DLL3: variants seen among roughly 807,000 people sequenced by gnomAD.
DLL3 encodes delta like canonical Notch ligand 3, also known as delta-like protein 3.
DLL3 carries 49 observed loss-of-function variants against 55.0 expected under a neutral mutation model. The ratio of observed to expected loss-of-function variants is 0.89; its 90% CI spans 0.71 to 1.13. The LOEUF (loss-of-function observed/expected upper bound fraction) is 1.13, where lower values mean the gene tolerates loss of function less well. Ranked by LOEUF, DLL3 falls within the 50% of genes most tolerant of loss-of-function variation. DLL3 has a pLI of 0.00. For missense variants in DLL3, 962 were observed against 875.5 expected (o/e 1.10, Z -1.25); for synonymous variants, 421 against 385.2 (o/e 1.09, Z -1.09).
chr19:39,499,052 C>T lies in DLL3; in HGVS notation c.69+9C>T. On this transcript the variant is annotated intron_variant, in intron 1 of 8. Transcript: ENST00000356433. ...TCATTTTCCTCCCCCAGGTCAGAGC[C>T]AGGTGGGAGGTGGCGTGGAAAGGGA... 1 of 1,614,098 alleles carries T rather than the reference C, an allele frequency of 6.2e-7. No individual in the cohort carries two copies. Among genetic ancestry groups the T allele is most frequent in the Non-Finnish European group, 8.5e-7 (1 of 1,180,044 alleles).
rs940278862 is a variant in DLL3 at position 39,507,818 on chromosome 19, C to G, written c.1674-12C>G. The G allele has an allele frequency of 3.1e-6, 5 of 1,614,114 alleles. No homozygotes were observed. The highest frequency in any genetic ancestry group is 4.2e-6 in the Non-Finnish European group (5 of 1,179,990). On this transcript the variant is annotated splice_polypyrimidine_tract_variant and intron_variant, in intron 7 of 8. Transcript: ENST00000356433. ...AAGAGTCTGAGTTTTTCTTCTTTCT[C>G]TCCTCCCACAGCTCGTCCGTAGATT... is the stretch of plus-strand genomic sequence containing the variant.
In DLL3 at chr19:39,499,024, C is replaced by G. The variant is rs1459986375; in HGVS notation, c.50C>G (p.Ala17Gly). The change falls in exon 1 of 9, where the codon GCG becomes GGG. Residue 17 changes from alanine (A) to glycine (G), a missense_variant. Physicochemically the swap from Ala to Gly is moderately conservative, Grantham distance 60. Transcript: ENST00000356433. ...SGLLSQTVIL[A>G]LIFLPQTRPA... ...CTCCTCTCCCAGACTGTGATCCTAG[C>G]GCTCATTTTCCTCCCCCAGGTCAGA... is the stretch of plus-strand genomic sequence containing the variant. 6.2e-7 allele frequency: 1 copy of G among 1,613,942 alleles called. No homozygotes were observed. Among genetic ancestry groups the G allele is most frequent in the Non-Finnish European group, 8.5e-7 (1 of 1,180,030 alleles).
Position 39,507,615 on chromosome 19 carries a change from C to T in DLL3, c.1670C>T (p.Pro557Leu), listed in dbSNP as rs1378839256. ...LRTQEGSGDGPSSSVDWNRPE... is the reference protein window; with the variant it reads ...LRTQEGSGDGLSSSVDWNRPE... The stretch of plus-strand genomic sequence containing the variant: ...ACGCAGGAGGGTTCCGGGGATGGTC[C>T]GAGGTGAGGGGCTGCGCCACAGACG... The change falls in exon 7 of 9, where the codon CCG (proline) becomes CTG (leucine). Residue 557 changes from proline to leucine, a missense_variant. Coordinates refer to ENST00000356433, the MANE Select transcript of DLL3 (RefSeq NM_203486.3). 6.2e-7 allele frequency: 1 copy of T among 1,606,134 alleles called. No individual in the cohort carries two copies. Among genetic ancestry groups the T allele is most frequent in the African/African-American group, 1.3e-5 (1 of 74,752 alleles).
At position 39,502,840 on chromosome 19, in the gene DLL3, C is replaced by T; in HGVS notation, c.435C>T (p.Arg145=). Residue 145 remains arginine, a synonymous_variant, in exon 4 of 9, where the codon CGC becomes CGT. Transcript: ENST00000356433. ...IGGPAWSLLA[R]VAGRRRLAAG... ...GGCCCGCCTGGAGCCTGCTGGCGCG[C>T]GTGGCTGGCAGGCGGCGCTTGGCAG... 2.1e-6 allele frequency: 3 copies of T among 1,419,742 alleles called. No individual in the cohort carries two copies. The highest frequency in any genetic ancestry group is 2.7e-6 in the Non-Finnish European group (3 of 1,092,840). 87.9% of individuals were successfully genotyped at this position (1,419,742 alleles called of 1,614,324 possible). A position where few individuals can be genotyped will look rare whatever the true frequency, so the allele number is the denominator to read the frequency against.
At chr19:39,500,563 A>ACC in intron 2 of DLL3, 52 bp from the exon 3 acceptor site, 16 of 1,540,174 alleles carry the variant, frequency 1.0e-5, no homozygotes, top group Middle Eastern at 1.7e-4. Flanking sequence ...TTGAGTACTT[A>ACC]CCCTAACCAC....
Position 39,502,880 on chromosome 19 carries a change from G to A in DLL3, c.475G>A (p.Ala159Thr). Residue 159 changes from alanine to threonine, a missense_variant, in exon 4 of 9, where the codon GCC (alanine) becomes ACC (threonine). Transcript: ENST00000356433. ...RRRLAAGGPW[A>T]RDIQRAGAWE... Reference sequence around the variant, plus strand: ...GCGCTTGGCAGCCGGAGGCCCGTGGGCCCGGGACATTCAGCGCGCAGGCGC... The same window carrying A: ...GCGCTTGGCAGCCGGAGGCCCGTGGACCCGGGACATTCAGCGCGCAGGCGC... 3 of 1,439,024 alleles carry A rather than the reference G, an allele frequency of 2.1e-6. No homozygotes were observed. The highest frequency in any genetic ancestry group is 2.7e-6 in the Non-Finnish European group (3 of 1,102,072). The allele number at this position is 1,439,024 out of a possible 1,614,324, so 89.1% of individuals were successfully genotyped here. A position where few individuals can be genotyped will look rare whatever the true frequency, so the allele number is the denominator to read the frequency against.
In DLL3 at chr19:39,502,510, C is replaced by T. The variant is rs367584165; in HGVS notation, c.410-305C>T. 4.3e-4 allele frequency among the ~76,000 whole-genome samples: 66 copies of T among 152,220 alleles called. 1 individual carries two copies. The South Asian group carries it at 0.013, about 30-fold the overall frequency. ...CTGGTCTTGACCTCAGGTGGTCCAC[C>T]CGTCTCGGCCTCCCAAAGTGCTGGG... On this transcript the variant is annotated intron_variant, in intron 3 of 8. Coordinates refer to ENST00000356433, the MANE Select transcript of DLL3 (RefSeq NM_203486.3).
At chr19:39,503,861 G>A (rs2079624634) in intron 4 of DLL3, among the ~76,000 whole-genome samples, 1 of 152,108 alleles carries the variant, frequency 6.6e-6, no homozygotes, top group Non-Finnish European at 1.5e-5. Context: ...TCCTAGGTGG[G>A]CTGGTCACCT....
At chr19:39,502,199 A>AAC (rs1464146445) in intron 3 of DLL3, among the ~76,000 whole-genome samples, 1 of 151,396 alleles carries the variant, frequency 6.6e-6, no homozygotes, top group African/African-American at 2.4e-5. Flanking sequence ...AAAACAAACA[A>AAC]AAAAAAAACA....
chr19:39,500,800 T>G, intron 3 of DLL3, 128 bp downstream of exon 3: 1 of 812,004 alleles, frequency 1.2e-6, no homozygotes, highest in Non-Finnish European at 2.1e-6. Flanking sequence ...TGTTGACAGC[T>G]CCAGGGCTCT....
At position 39,507,425 on chromosome 19, in the gene DLL3, C is replaced by T. The variant is rs1006948723; in HGVS notation, c.1480C>T (p.Pro494Ser). ...RPGDPQRYLL[P>S]PALGLLVAAG... ...CGGGGACCCTCAGCGCTACCTTTTG[C>T]CTCCGGCTCTGGGACTGCTCGTGGC... The change falls in exon 7 of 9, where the codon CCT becomes TCT. Residue 494 changes from proline (P) to serine (S), a missense_variant. Physicochemically the swap from Pro to Ser is moderately conservative, Grantham distance 74 (BLOSUM62 -1). Coordinates refer to ENST00000356433, the MANE Select transcript of DLL3 (RefSeq NM_203486.3). 1.3e-6 allele frequency: 2 copies of T among 1,592,726 alleles called. No individual in the cohort carries two copies. Among genetic ancestry groups the T allele is most frequent in the Non-Finnish European group, 1.7e-6 (2 of 1,171,194 alleles).
Position 39,499,452 on chromosome 19 carries a change from G to T in DLL3, c.330G>T (p.Val110=). 2 of 1,591,026 alleles carry T rather than the reference G, an allele frequency of 1.3e-6. No individual in the cohort carries two copies. The highest frequency in any genetic ancestry group is 1.7e-6 in the Non-Finnish European group (2 of 1,176,420). Residue 110 remains valine (V), a synonymous_variant, in exon 2 of 9, where the codon GTG becomes GTT. Coordinates refer to ENST00000356433, the MANE Select transcript of DLL3 (RefSeq NM_203486.3). The part of the protein sequence containing the change: ...DLPLPDGLLQ[V]PFRDAWPGTF... ...CACTGCCCGACGGCCTCTTGCAGGT[G>T]CCCTTCCGGGACGCCTGGCCTGTAA...
chr19:39,506,125 T>C (rs957685251), intron 6 of DLL3, among the ~76,000 whole-genome samples: 4 of 135,870 alleles, frequency 2.9e-5, no homozygotes, highest in Non-Finnish European at 6.0e-5. Flanking sequence ...GGCGGAAGAA[T>C]CACTTGAACC....
intron 3 of DLL3, 65 bp from the exon 4 acceptor site, chr19:39,502,750 C>T: frequency 2.3e-6 from 3 of 1,293,000 alleles, no homozygotes; most frequent in East Asian, 3.1e-5. Context: ...GCGGCCGGGG[C>T]GCTCCGTATG....
chr19:39,503,480 CCGA>C (rs1454966889), intron 4 of DLL3, among the ~76,000 whole-genome samples: 1 of 152,210 alleles, frequency 6.6e-6, no homozygotes, highest in African/African-American at 2.4e-5. Context: ...TGCGGCCCTC[CCGA>C]CTCCCACTCG....
chr19:39,500,088 C>T (rs1000528691), intron 2 of DLL3, among the ~76,000 whole-genome samples: 4 of 151,900 alleles, frequency 2.6e-5, no homozygotes, highest in Non-Finnish European at 5.9e-5. Flanking sequence ...CCCTTTTGAG[C>T]GATTCAACCA....
At position 39,507,313 on chromosome 19, in the gene DLL3, T is replaced by C. The variant is rs1344451548; in HGVS notation, c.1368T>C (p.Ala456=). The change falls in exon 7 of 9, where the codon GCT becomes GCC. Residue 456 remains alanine (A), a synonymous_variant. Transcript: ENST00000356433. The part of the protein sequence containing the change: ...AHFSGLVCAC[A]PGYMGARCEF... ...TCTCCGGCCTCGTCTGCGCTTGCGC[T>C]CCCGGCTACATGGGAGCGCGGTGTG... 4.5e-6 allele frequency: 7 copies of C among 1,561,350 alleles called. No homozygotes were observed. The highest frequency in any genetic ancestry group is 3.5e-5 in the South Asian group (3 of 86,470).
chr19:39,507,004 C>T, intron 6 of DLL3, 35 bp from the exon 7 acceptor site: 1 of 1,530,328 alleles, frequency 6.5e-7, no homozygotes, highest in Non-Finnish European at 8.7e-7. Flanking sequence ...TCCCCGGCTC[C>T]CGGACTGCGC....
intron 3 of DLL3, among the ~76,000 whole-genome samples, chr19:39,501,375 G>T (rs565928919): frequency 6.3e-4 from 87 of 138,238 alleles, no homozygotes; most frequent in African/African-American, 2.0e-3. Context: ...CTTCACCAAG[G>T]CGAATATTGA....
Sources: gnomAD v4.1 joint callset for allele counts (sites outside exome capture counted in the v4.1 genomes callset) on GRCh38, gnomAD v4.1.1 for gene constraint, MANE v1.5 for transcripts, NCBI Gene and HGNC (gene_info 2026-07-23, HGNC 2026-07-21) for gene names.